Variants in BORCS7 observed in about 807,000 individuals in gnomAD.
The protein encoded by BORCS7 is BLOC-1 related complex subunit 7.
BORCS7 carries 20 observed loss-of-function variants against 17.5 expected under a neutral mutation model. The ratio of observed to expected loss-of-function variants is 1.14; its 90% CI spans 0.80 to 1.66. The LOEUF is 1.66. Ranked by LOEUF, BORCS7 falls within the 40% of genes most tolerant of loss-of-function variation. The pLI, the probability that BORCS7 is intolerant of heterozygous loss-of-function variation, is 0.00. For missense variants in BORCS7, 122 were observed against 129.7 expected, an observed-to-expected ratio of 0.94 and a Z score of 0.29; for synonymous variants, 57 against 49.8, an observed-to-expected ratio of 1.14 and a Z score of -0.61.
intron 1 of BORCS7, among the ~76,000 whole-genome samples, chr10:102,855,452 G>A (rs868690549): frequency 6.6e-6 from 1 of 152,066 alleles, no homozygotes; most frequent in African/African-American, 2.4e-5. Context: ...CACCGCTCCT[G>A]GCAGCATTGC....
intron 3 of BORCS7, chr10:102,860,878 ATGAC>A: frequency 2.6e-6 from 1 of 389,598 alleles, no homozygotes; most frequent in Non-Finnish European, 4.7e-6. Context: ...TCAGTATTTG[ATGAC>A]TGACTGTGCC....
chr10:102,856,518 G>T (rs543887558), intron 1 of BORCS7, among the ~76,000 whole-genome samples: 1 of 152,296 alleles, frequency 6.6e-6, no homozygotes, highest in South Asian at 2.1e-4. Context: ...AAAGAGGGTT[G>T]CTATTGCTAT....
Position 102,864,856 on chromosome 10 carries a change from G to A in BORCS7, c.*1932G>A, listed in dbSNP as rs547645547. The stretch of plus-strand genomic sequence containing the variant: ...ACGTCTAAGTTGTAGAGGTTGTGCC[G>A]GAAGATAATATTTTTAAAATAACAA... On this transcript the variant is annotated 3_prime_UTR_variant, in exon 5 of 5. Transcript: ENST00000339834. The A allele has an allele frequency of 2.6e-5, 4 of 151,924 alleles. No individual in the cohort carries two copies. Among genetic ancestry groups the A allele is most frequent in the East Asian group, 1.9e-4 (1 of 5,176 alleles). The allele number at this position is 151,924 out of a possible 1,614,324, so 9.4% of individuals were successfully genotyped here.
rs528312374 is a variant in BORCS7, at chr10:102,858,239, A to G, written c.142-2093A>G. 5.9e-5 allele frequency among the ~76,000 whole-genome samples: 9 copies of G among 151,916 alleles called. No homozygotes were observed. The South Asian group carries it at 1.9e-3, about 32-fold the overall frequency. On this transcript the variant is annotated intron_variant, in intron 1 of 4. Coordinates refer to ENST00000339834, the MANE Select transcript of BORCS7 (RefSeq NM_001136200.2). The stretch of plus-strand genomic sequence containing the variant: ...GAGAGAGAGAGAGAGCAAGGTGTAA[A>G]CAAGTACACATAGTATGTTACATTT...
At chr10:102,856,279 G>A (rs1011944886) in intron 1 of BORCS7, among the ~76,000 whole-genome samples, 1 of 151,938 alleles carries the variant, frequency 6.6e-6, no homozygotes, top group African/African-American at 2.4e-5. Context: ...TGGGCTGGGC[G>A]CAGTGGCTCA....
At chr10:102,858,131 C>T (rs1844456791) in intron 1 of BORCS7, among the ~76,000 whole-genome samples, 1 of 149,042 alleles carries the variant, frequency 6.7e-6, no homozygotes, top group African/African-American at 2.5e-5. Context: ...TGCCACTGCG[C>T]TCCAGCCTGG....
At chr10:102,860,123 G>A (rs976163666) in intron 1 of BORCS7, among the ~76,000 whole-genome samples, 1 of 152,128 alleles carries the variant, frequency 6.6e-6, no homozygotes, top group African/African-American at 2.4e-5. Flanking sequence ...AACAGATGTC[G>A]GGTCCATGCC....
At chr10:102,854,556 T>C (rs1215066590) in intron 1 of BORCS7, 129 bp downstream of exon 1, 1 of 1,168,222 alleles carries the variant, frequency 8.6e-7, no homozygotes, top group Non-Finnish European at 1.2e-6. Flanking sequence ...GTAGGTCTTC[T>C]TCGCGGAGGC....
chr10:102,861,240 C>T (rs1844515145), intron 3 of BORCS7, among the ~76,000 whole-genome samples: 2 of 151,600 alleles, frequency 1.3e-5, no homozygotes, highest in Non-Finnish European at 2.9e-5. Context: ...CATGGTGAAA[C>T]CCCGTCTCTA....
At chr10:102,855,496 G>T (rs1248730292) in intron 1 of BORCS7, among the ~76,000 whole-genome samples, 2 of 152,036 alleles carry the variant, frequency 1.3e-5, no homozygotes, top group African/African-American at 4.8e-5. Flanking sequence ...TATTTTGTTT[G>T]ATTAGCTGAG....
At position 102,864,406 on chromosome 10, in the gene BORCS7, A is replaced by T. The variant is rs150359631; in HGVS notation, c.*1482A>T. On this transcript the variant is annotated 3_prime_UTR_variant, in exon 5 of 5. Coordinates refer to ENST00000339834, the MANE Select transcript of BORCS7 (RefSeq NM_001136200.2). ...AGTATTATTAAATACAGATGGACTC[A>T]ATGTACCTTTGAAAAGACCACTAAT... 3.3e-5 allele frequency: 5 copies of T among 152,296 alleles called. No homozygotes were observed. Among genetic ancestry groups the T allele is most frequent in the Admixed American group, 2.6e-4 (4 of 15,292 alleles). 9.4% of individuals were successfully genotyped at this position (152,296 alleles called of 1,614,324 possible).
chr10:102,862,855 CTCTAT>C lies in BORCS7; in HGVS notation c.270-13_270-9del, dbSNP rs745436954. On this transcript the variant is annotated splice_polypyrimidine_tract_variant and intron_variant, in intron 4 of 4. Coordinates refer to ENST00000339834, the MANE Select transcript of BORCS7 (RefSeq NM_001136200.2). ...ATTGCTCATTTCAGATAAACCCTGTCTCTATTCTAATTCCTAGTGTTGAACAGTCA... is the reference window on the plus strand; with the variant it reads ...ATTGCTCATTTCAGATAAACCCTGTCTCTAATTCCTAGTGTTGAACAGTCA... 21 of 1,594,630 alleles carry C rather than the reference CTCTAT, an allele frequency of 1.3e-5. No homozygotes were observed. The highest frequency in any genetic ancestry group is 1.7e-5 in the Non-Finnish European group (20 of 1,162,684).
chr10:102,858,176 A>AAAT (rs1844458449), intron 1 of BORCS7, among the ~76,000 whole-genome samples: 1 of 121,730 alleles, frequency 8.2e-6, no homozygotes, highest in Non-Finnish European at 1.8e-5. Context: ...AAAAAAAAAA[A>AAAT]ATATATATAT....
rs1844564094 is a variant in BORCS7 at position 102,864,440 on chromosome 10, C to T, written c.*1516C>T. On this transcript the variant is annotated 3_prime_UTR_variant, in exon 5 of 5. Transcript: ENST00000339834. The stretch of plus-strand genomic sequence containing the variant: ...TTGAAAAGACCACTAATTTAGAAAA[C>T]AAAGCTAAGTGCAGTCATTACAAGA... The T allele has an allele frequency of 6.6e-6, 1 of 151,920 alleles. No homozygotes were observed. The highest frequency in any genetic ancestry group is 1.5e-5 in the Non-Finnish European group (1 of 67,964). 9.4% of individuals were successfully genotyped at this position (151,920 alleles called of 1,614,324 possible).
chr10:102,854,359 G>T lies in BORCS7; in HGVS notation c.73G>T (p.Val25Leu). ...CGTGAAGGGGCTTCTCACGGAGAAG[G>T]TGACCACCTGTGGTACTGACGTAAT... Reference protein sequence around the residue: ...QSVKGLLTEKVTTCGTDVIAL... With the variant: ...QSVKGLLTEKLTTCGTDVIAL... The change falls in exon 1 of 5, where the codon GTG becomes TTG. Residue 25 changes from valine to leucine, a missense_variant. By Grantham distance (32) the Val-to-Leu change is conservative. Transcript: ENST00000339834. The T allele has an allele frequency of 6.3e-7, 1 of 1,582,056 alleles. No individual in the cohort carries two copies. Among genetic ancestry groups the T allele is most frequent in the Non-Finnish European group, 8.6e-7 (1 of 1,163,326 alleles).
chr10:102,862,185 G>A lies in BORCS7; in HGVS notation c.269+5G>A. 6.2e-7 allele frequency: 1 copy of A among 1,609,040 alleles called. No individual in the cohort carries two copies. The highest frequency in any genetic ancestry group is 8.5e-7 in the Non-Finnish European group (1 of 1,175,422). Reference sequence around the variant, plus strand: ...GCAAGAAGCTATTCAGAAGAAGTAAGTAACCCCAAAGGTAGAGGAGTAGGG... The same window carrying A: ...GCAAGAAGCTATTCAGAAGAAGTAAATAACCCCAAAGGTAGAGGAGTAGGG... On this transcript the variant is annotated splice_donor_5th_base_variant and intron_variant, in intron 4 of 4. Transcript: ENST00000339834.
At chr10:102,860,453 C>T (rs763743010) in intron 2 of BORCS7, 45 bp from the exon 3 acceptor site, 3 of 1,609,964 alleles carry the variant, frequency 1.9e-6, no homozygotes, top group Admixed American at 1.7e-5. Context: ...TGTGTGGCCA[C>T]AGGGAAGTGG....
In BORCS7 at chr10:102,860,385, C is replaced by T; in HGVS notation, c.195C>T (p.His65=). The T allele has an allele frequency of 1.2e-6, 2 of 1,613,818 alleles. No individual in the cohort carries two copies. Among genetic ancestry groups the T allele is most frequent in the Non-Finnish European group, 1.7e-6 (2 of 1,179,908 alleles). Residue 65 remains histidine, a synonymous_variant, in exon 2 of 5, where the codon CAC becomes CAT. Coordinates refer to ENST00000339834, the MANE Select transcript of BORCS7 (RefSeq NM_001136200.2). Reference sequence around the variant, plus strand: ...TACTCCAGGAAGATGCCATCTTGCACTCAGAAGATGTAAGAAACAACTTTT... The same window carrying T: ...TACTCCAGGAAGATGCCATCTTGCATTCAGAAGATGTAAGAAACAACTTTT... The part of the protein sequence containing the change: ...NMVLQEDAIL[H]SEDSLRKMAI...
chr10:102,858,714 A>G (rs1303558255), intron 1 of BORCS7, among the ~76,000 whole-genome samples: 2 of 152,166 alleles, frequency 1.3e-5, no homozygotes, highest in Non-Finnish European at 2.9e-5. Context: ...AGGGAAAGAA[A>G]GGGACAGAGA....
Sources: allele counts gnomAD v4.1 joint callset (sites outside exome capture counted in the v4.1 genomes callset), GRCh38; gene constraint gnomAD v4.1.1; transcripts MANE v1.5; gene names NCBI Gene and HGNC (gene_info 2026-07-23, HGNC 2026-07-21).